Variants in UGGT2 observed in about 807,000 individuals in gnomAD.
UGGT2 encodes the protein UDP-glucose:glycoprotein glucosyltransferase 2.
A neutral mutation model predicts 192.1 loss-of-function variants in UGGT2; 180 were observed. That is an observed-to-expected ratio of 0.94 (90% CI 0.83 to 1.06). The LOEUF (loss-of-function observed/expected upper bound fraction) is 1.06. Among genes scored for constraint, UGGT2 ranks in the 50% least tolerant of loss-of-function variants. The pLI is 0.00. For missense variants in UGGT2, 1,849 were observed against 1,795.7 expected, an observed-to-expected ratio of 1.03 and a Z score of -0.54; for synonymous variants, 580 against 591.0, an observed-to-expected ratio of 0.98 and a Z score of 0.27.
chr13:96,033,968 C>A (rs1052097226), intron 1 of UGGT2, among the ~76,000 whole-genome samples: 3 of 152,206 alleles, frequency 2.0e-5, no homozygotes, highest in Non-Finnish European at 2.9e-5. Flanking sequence ...AAGCTAAGGA[C>A]AACCTGAAGC....
chr13:95,898,981 G>A (rs2048026105), intron 22 of UGGT2, among the ~76,000 whole-genome samples: 1 of 152,208 alleles, frequency 6.6e-6, no homozygotes, highest in South Asian at 2.1e-4. Context: ...GAAACTTAGT[G>A]GCCAGTGCGA....
chr13:96,012,989 T>G (rs1360676050), intron 5 of UGGT2, among the ~76,000 whole-genome samples: 2 of 8,002 alleles, frequency 2.5e-4, no homozygotes, highest in Non-Finnish European at 0.017. Context: ...TAGTACTGTA[T>G]ATATTAGTAT....
chr13:95,826,654 A>C (rs1046919025), intron 38 of UGGT2, among the ~76,000 whole-genome samples: 3 of 152,060 alleles, frequency 2.0e-5, no homozygotes, highest in African/African-American at 7.2e-5. Context: ...TATATATATA[A>C]GCTATATGAT....
chr13:96,037,755 A>G (rs925820313), intron 1 of UGGT2, among the ~76,000 whole-genome samples: 7 of 152,170 alleles, frequency 4.6e-5, no homozygotes, highest in Admixed American at 2.6e-4. Flanking sequence ...CCTTCAACCT[A>G]TTCAATGCTC....
intron 27 of UGGT2, 74 bp from the exon 28 acceptor site, chr13:95,877,930 T>G: frequency 1.4e-6 from 2 of 1,423,792 alleles, no homozygotes; most frequent in Non-Finnish European, 1.9e-6. Context: ...TAAATAAATG[T>G]GATTATTTTA....
rs761691741 is a variant in UGGT2 at position 95,863,702 on chromosome 13, TTTC to T, written c.3568_3570del (p.Glu1190del). On this transcript the variant is annotated inframe_deletion, in exon 31 of 39. Coordinates refer to ENST00000376747, the MANE Select transcript of UGGT2 (RefSeq NM_020121.4). ...AGGATATCTTCCTTAATTTTGTCTG[TTTC>T]TTTTTTCACCTAGATAGCATGGCAA... The T allele has an allele frequency of 3.1e-6, 5 of 1,612,400 alleles. No homozygotes were observed. In the African/African-American group the frequency reaches 4.0e-5, roughly 13 times the overall value.
intron 34 of UGGT2, 115 bp from the exon 35 acceptor site, chr13:95,854,590 C>A: frequency 1.2e-6 from 1 of 843,142 alleles, no homozygotes; most frequent in Non-Finnish European, 1.7e-6. Context: ...CTGTATTGTC[C>A]TCACAGTGCT....
intron 29 of UGGT2, among the ~76,000 whole-genome samples, chr13:95,873,500 C>CG (rs1891401470): frequency 6.6e-6 from 1 of 152,160 alleles, no homozygotes; most frequent in Non-Finnish European, 1.5e-5. Flanking sequence ...TCCTGCCTAG[C>CG]AAACTGGGCT....
At chr13:95,922,991 G>A (rs2048896103) in intron 20 of UGGT2, among the ~76,000 whole-genome samples, 1 of 152,154 alleles carries the variant, frequency 6.6e-6, no homozygotes, top group African/African-American at 2.4e-5. Context: ...CATTTGGAAA[G>A]TCATTTGTTA....
chr13:95,881,238 T>G (rs537605805), intron 27 of UGGT2, among the ~76,000 whole-genome samples: 40 of 152,288 alleles, frequency 2.6e-4, no homozygotes, highest in Admixed American at 2.4e-3. Context: ...ATGTATGGTT[T>G]CAGGTATCCA....
chr13:95,940,310 GT>G lies in UGGT2; in HGVS notation c.1678-220del, dbSNP rs1459060876. ...TTCAAAAATATCATAACAAATTTAT[GT>G]TTTACTCTATTTTGATGAAACCAGA... On this transcript the variant is annotated intron_variant, in intron 15 of 38. Coordinates refer to ENST00000376747, the MANE Select transcript of UGGT2 (RefSeq NM_020121.4). 3.3e-5 allele frequency among the ~76,000 whole-genome samples: 5 copies of G among 151,496 alleles called. No homozygotes were observed. The East Asian group carries it at 5.8e-4, about 18-fold the overall frequency.
intron 1 of UGGT2, among the ~76,000 whole-genome samples, chr13:96,044,521 A>G (rs1452439129): frequency 6.6e-6 from 1 of 152,238 alleles, no homozygotes; most frequent in Non-Finnish European, 1.5e-5. Context: ...ACTAAATGAA[A>G]TTGAAACAAA....
At chr13:95,847,061 C>CTTTTTTT in intron 36 of UGGT2, among the ~76,000 whole-genome samples, 1 of 97,346 alleles carries the variant, frequency 1.0e-5, no homozygotes, top group Non-Finnish European at 2.3e-5. Context: ...CTTTTCTTTT[C>CTTTTTTT]TTTTTTTTTT....
chr13:96,053,057 G>A lies in UGGT2; in HGVS notation c.158+98C>T, dbSNP rs1017015472. ...CAGAGCGGGGGCGTCTGGAGAACCC[G>A]GGTGGGAGCCAGACACCCGCTGCGA... is the stretch of plus-strand genomic sequence containing the variant. On this transcript the variant is annotated intron_variant, in intron 1 of 38. Transcript: ENST00000376747. 7.3e-6 allele frequency: 10 copies of A among 1,373,864 alleles called. No individual in the cohort carries two copies. In the African/African-American group the frequency reaches 1.1e-4, roughly 15 times the overall value. The allele number at this position is 1,373,864 out of a possible 1,614,324, so 85.1% of individuals were successfully genotyped here.
intron 22 of UGGT2, among the ~76,000 whole-genome samples, chr13:95,898,449 C>CT (rs2140271745): frequency 6.6e-6 from 1 of 152,230 alleles, no homozygotes; most frequent in South Asian, 2.1e-4. Context: ...ACCTCACGTC[C>CT]TTTGCATTCA....
intron 38 of UGGT2, among the ~76,000 whole-genome samples, chr13:95,819,520 G>A (rs1202232091): frequency 1.3e-5 from 2 of 151,898 alleles, no homozygotes; most frequent in East Asian, 3.9e-4. Flanking sequence ...ATGTATGTAT[G>A]TAATAGTATA....
chr13:95,945,925 T>G (rs2049850695), intron 15 of UGGT2, among the ~76,000 whole-genome samples: 1 of 152,138 alleles, frequency 6.6e-6, no homozygotes, highest in Non-Finnish European at 1.5e-5. Context: ...GGTAGGAAAT[T>G]TGCACTACTT....
At chr13:95,987,597 C>G (rs1331337981) in intron 8 of UGGT2, among the ~76,000 whole-genome samples, 1 of 152,084 alleles carries the variant, frequency 6.6e-6, no homozygotes, top group Non-Finnish European at 1.5e-5. Context: ...AAGAGACTAT[C>G]TGAAATTATG....
Position 95,854,347 on chromosome 13 carries a change from T to C in UGGT2, c.4137A>G (p.Ala1379=). ...GGTATTTCCGTCTTAAAAGATGTGA[T>C]GCCCAGTATCCTGTTTTCCAGAAAC... The part of the protein sequence containing the change: ...GYRFWKTGYW[A]SHLLRRKYHI... Residue 1379 remains alanine, a synonymous_variant, in exon 35 of 39, where the codon GCA becomes GCG. Coordinates refer to ENST00000376747, the MANE Select transcript of UGGT2 (RefSeq NM_020121.4). 4.3e-6 allele frequency: 7 copies of C among 1,613,448 alleles called. No homozygotes were observed. The highest frequency in any genetic ancestry group is 5.9e-6 in the Non-Finnish European group (7 of 1,179,706).
Sources: gnomAD v4.1 joint callset for allele counts (sites outside exome capture counted in the v4.1 genomes callset) on GRCh38, gnomAD v4.1.1 for gene constraint, MANE v1.5 for transcripts, NCBI Gene and HGNC (gene_info 2026-07-23, HGNC 2026-07-21) for gene names.